The following FRY variants were observed in gnomAD, a reference collection of about 807,000 sequenced individuals.
FRY encodes the protein protein furry homolog.
A neutral mutation model predicts 348.4 loss-of-function variants in FRY; 128 were observed. That is an observed-to-expected ratio of 0.37 (90% CI 0.32 to 0.43). FRY has a LOEUF of 0.43. Ranked by LOEUF, FRY falls within the 20% of genes least tolerant of loss-of-function variation. The probability of loss-of-function intolerance (pLI) is 1.00; values close to 1 mark genes in which losing one functional copy is unlikely to be tolerated. For synonymous variants in FRY, 1,370 were observed against 1,374.7 expected (o/e 1.00, Z 0.08); for missense variants, 2,736 against 3,695.2 (o/e 0.74, Z 6.73).
At chr13:32,072,065 G>T (rs1874694527) in intron 1 of FRY, among the ~76,000 whole-genome samples, 1 of 152,132 alleles carries the variant, frequency 6.6e-6, no homozygotes, top group Admixed American at 6.5e-5. Context: ...ATCTGTAAAA[G>T]GGAGATTAGC....
chr13:32,256,995 T>C (rs1329077297), intron 51 of FRY, among the ~76,000 whole-genome samples: 1 of 152,246 alleles, frequency 6.6e-6, no homozygotes, highest in Non-Finnish European at 1.5e-5. Flanking sequence ...TAAAATTGTA[T>C]AAAATTATCT....
chr13:32,188,668 A>G (rs1335185083), intron 28 of FRY, among the ~76,000 whole-genome samples: 1 of 152,120 alleles, frequency 6.6e-6, no homozygotes, highest in Admixed American at 6.6e-5. Context: ...TTTGCTCTTG[A>G]ATAGTCCACT....
At chr13:32,196,789 A>G (rs898645150) in intron 29 of FRY, among the ~76,000 whole-genome samples, 3 of 152,206 alleles carry the variant, frequency 2.0e-5, no homozygotes, top group Admixed American at 2.0e-4. Context: ...ATGTTAATAT[A>G]TTTGATTAAA....
At chr13:32,033,261 C>CAAATTAA (rs1415487364) in intron 1 of FRY, among the ~76,000 whole-genome samples, 1 of 152,118 alleles carries the variant, frequency 6.6e-6, no homozygotes, top group African/African-American at 2.4e-5. Flanking sequence ...TCTATCTGCT[C>CAAATTAA]TTTGATTAAT....
At position 32,135,779 on chromosome 13, in the gene FRY, G is replaced by A. The variant is rs78433114; in HGVS notation, c.1077+596G>A. 4.2e-3 allele frequency among the ~76,000 whole-genome samples: 636 copies of A among 152,318 alleles called. 9 individuals carry two copies. The highest frequency in any genetic ancestry group is 0.013 in the African/African-American group (548 of 41,570). ...GCGAGTGATGTAACAGCTGTAATGTGAAAGTCAGGAGGAAGCAAGTTGTTT... is the reference window on the plus strand; with the variant it reads ...GCGAGTGATGTAACAGCTGTAATGTAAAAGTCAGGAGGAAGCAAGTTGTTT... On this transcript the variant is annotated intron_variant, in intron 10 of 60. Coordinates refer to ENST00000542859, the MANE Select transcript of FRY (RefSeq NM_023037.3).
At chr13:32,267,040 G>A in intron 54 of FRY, 130 bp from the exon 55 acceptor site, 1 of 830,444 alleles carries the variant, frequency 1.2e-6, no homozygotes, top group Non-Finnish European at 2.0e-6. Flanking sequence ...AGTCCCCAAA[G>A]CAACTTCAAA....
At chr13:32,283,312 A>G (rs1001505287) in intron 58 of FRY, among the ~76,000 whole-genome samples, 7 of 152,126 alleles carry the variant, frequency 4.6e-5, no homozygotes, top group Non-Finnish European at 1.0e-4. Context: ...TGGACTCTCC[A>G]CCATCCCTGC....
Position 32,234,573 on chromosome 13 carries a change from G to T in FRY, c.5528-1G>T. ...CTATTCTGTGGCTCTTGTTACCCTA[G>T]GCTTCCATCTGGAGCACCAGTTGAG... On this transcript the variant is annotated splice_acceptor_variant, in intron 41 of 60. Coordinates refer to ENST00000542859, the MANE Select transcript of FRY (RefSeq NM_023037.3). LOFTEE classifies it high-confidence loss of function. 6.2e-7 allele frequency: 1 copy of T among 1,613,626 alleles called. No individual in the cohort carries two copies.
Position 32,295,570 on chromosome 13 carries a change from T to G in FRY, c.*110T>G. Reference sequence around the variant, plus strand: ...AAAGGCTTGGACAGACTGTTCTCCCTCTTGTTACCTGTAGGGCTTTTTCTA... The same window carrying G: ...AAAGGCTTGGACAGACTGTTCTCCCGCTTGTTACCTGTAGGGCTTTTTCTA... On this transcript the variant is annotated 3_prime_UTR_variant, in exon 61 of 61. Transcript: ENST00000542859. 9.8e-7 allele frequency: 1 copy of G among 1,021,010 alleles called. No individual in the cohort carries two copies. The highest frequency in any genetic ancestry group is 1.5e-6 in the Non-Finnish European group (1 of 662,120). The allele number at this position is 1,021,010 out of a possible 1,614,324, so 63.2% of individuals were successfully genotyped here.
chr13:32,194,753 G>C (rs922563812), intron 29 of FRY, among the ~76,000 whole-genome samples: 2 of 152,074 alleles, frequency 1.3e-5, no homozygotes, highest in Admixed American at 6.6e-5. Context: ...TGATACCAAA[G>C]GTTCTATAGA....
chr13:32,250,898 A>T (rs557616904), intron 49 of FRY, among the ~76,000 whole-genome samples: 1 of 152,208 alleles, frequency 6.6e-6, no homozygotes, highest in South Asian at 2.1e-4. Flanking sequence ...AGAATTGTAA[A>T]ATGACCACTA....
At chr13:32,036,954 A>T (rs903508360) in intron 1 of FRY, among the ~76,000 whole-genome samples, 5 of 151,722 alleles carry the variant, frequency 3.3e-5, no homozygotes, top group African/African-American at 9.7e-5. Flanking sequence ...TGTCCCTGCC[A>T]GTTCTTAGCC....
At chr13:32,278,885 C>A (rs1888677363) in intron 58 of FRY, among the ~76,000 whole-genome samples, 1 of 152,196 alleles carries the variant, frequency 6.6e-6, no homozygotes, top group South Asian at 2.1e-4. Context: ...CACTTAGTTT[C>A]TTTAATGAAG....
intron 14 of FRY, among the ~76,000 whole-genome samples, chr13:32,151,764 GACCTAAAATAA>G (rs1880807962): frequency 6.6e-6 from 1 of 152,086 alleles, no homozygotes; most frequent in Admixed American, 6.6e-5. Flanking sequence ...GTTTTTCCTT[GACCTAAAATAA>G]CCTGAAGTCG....
chr13:32,031,952 T>A (rs966233935), intron 1 of FRY, 87 bp downstream of exon 1: 1 of 761,038 alleles, frequency 1.3e-6, no homozygotes, highest in Non-Finnish European at 2.4e-6. Flanking sequence ...TGGACACATA[T>A]GTTTGTGAGC....
intron 26 of FRY, among the ~76,000 whole-genome samples, chr13:32,185,580 A>T (rs983309627): frequency 6.6e-6 from 1 of 152,216 alleles, no homozygotes; most frequent in Admixed American, 6.5e-5. Context: ...AGCTTAATAT[A>T]TTTTACATTT....
intron 7 of FRY, among the ~76,000 whole-genome samples, chr13:32,128,572 G>A (rs1454866898): frequency 2.0e-5 from 3 of 152,132 alleles, no homozygotes; most frequent in South Asian, 2.1e-4. Context: ...AGACAGCTGC[G>A]GTGTAATGGA....
At chr13:32,090,773 G>A (rs1876246165) in intron 2 of FRY, among the ~76,000 whole-genome samples, 2 of 151,742 alleles carry the variant, frequency 1.3e-5, no homozygotes, top group South Asian at 2.1e-4. Context: ...TTAAAATGAA[G>A]ATTAACTTTG....
At chr13:32,101,335 A>C (rs464935) in intron 2 of FRY, among the ~76,000 whole-genome samples, 97,770 of 152,050 alleles carry the variant, frequency 0.64, 31,794 homozygotes, top group Middle Eastern at 0.69. Flanking sequence ...TCCATTGTAT[A>C]TATATGTAGC....
Sources: gnomAD v4.1 joint callset for allele counts (sites outside exome capture counted in the v4.1 genomes callset) on GRCh38, gnomAD v4.1.1 for gene constraint, MANE v1.5 for transcripts, NCBI Gene and HGNC (gene_info 2026-07-23, HGNC 2026-07-21) for gene names.